Variants in MCPH1 observed in about 807,000 individuals in gnomAD.
The protein encoded by MCPH1 is microcephalin.
A neutral mutation model predicts 84.5 loss-of-function variants in MCPH1; 104 were observed. That is an observed-to-expected ratio of 1.23 (90% CI 1.05 to 1.45). The LOEUF (loss-of-function observed/expected upper bound fraction) is 1.45, where lower values mean the gene tolerates loss of function less well. Ranked by LOEUF, MCPH1 falls within the 40% of genes most tolerant of loss-of-function variation. The probability of loss-of-function intolerance (pLI) is 0.00; values close to 1 mark genes in which losing one functional copy is unlikely to be tolerated. For synonymous variants in MCPH1, 514 were observed against 366.8 expected, an observed-to-expected ratio of 1.40 and a Z score of -4.58; for missense variants, 1,498 against 1,005.7, an observed-to-expected ratio of 1.49 and a Z score of -6.62.
intron 12 of MCPH1, among the ~76,000 whole-genome samples, chr8:6,580,099 G>A (rs150844323): frequency 4.1e-4 from 62 of 152,278 alleles, no homozygotes; most frequent in African/African-American, 8.2e-4. Context: ...ATCCACATGC[G>A]CTGGGACAAT....
At chr8:6,468,688 T>C (rs1443739374) in intron 9 of MCPH1, among the ~76,000 whole-genome samples, 1 of 151,492 alleles carries the variant, frequency 6.6e-6, no homozygotes, top group Non-Finnish European at 1.5e-5. Flanking sequence ...AAAATATTTA[T>C]CCAAGACAGT....
rs59969242 is a variant in MCPH1 at position 6,428,745 on chromosome 8, G to GCACACA, written c.234-2735_234-2730dup. 2.3e-3 allele frequency among the ~76,000 whole-genome samples: 351 copies of GCACACA among 149,544 alleles called. 3 individuals are homozygous for GCACACA. Among genetic ancestry groups the GCACACA allele is most frequent in the Middle Eastern group, 0.017 (5 of 288 alleles). ...TTCCATTGTATGGACACGTGCGCAC[G>GCACACA]CACACACACACACACACACACACAG... On this transcript the variant is annotated intron_variant, in intron 3 of 13. Transcript: ENST00000344683.
At chr8:6,474,966 C>T (rs1254083079) in intron 9 of MCPH1, among the ~76,000 whole-genome samples, 1 of 152,148 alleles carries the variant, frequency 6.6e-6, no homozygotes, top group African/African-American at 2.4e-5. Flanking sequence ...ATTCTTAAAA[C>T]ATTTACGTTT....
At chr8:6,537,789 G>A (rs940751308) in intron 12 of MCPH1, among the ~76,000 whole-genome samples, 1 of 152,022 alleles carries the variant, frequency 6.6e-6, no homozygotes, top group South Asian at 2.1e-4. Context: ...AACTGGCTCA[G>A]TAAAGGAAAA....
intron 3 of MCPH1, 145 bp downstream of exon 3, chr8:6,415,028 C>A: frequency 1.3e-6 from 1 of 777,880 alleles, no homozygotes; most frequent in Non-Finnish European, 2.0e-6. Context: ...TTGAAATCCT[C>A]CAGCCTCAAT....
chr8:6,460,002 C>G (rs1014177883), intron 9 of MCPH1, among the ~76,000 whole-genome samples: 1 of 152,168 alleles, frequency 6.6e-6, no homozygotes, highest in African/African-American at 2.4e-5. Flanking sequence ...TTAGACTGCT[C>G]TCATCTTTGG....
intron 12 of MCPH1, chr8:6,519,761 C>A: frequency 6.9e-7 from 1 of 1,446,434 alleles, no homozygotes; most frequent in Non-Finnish European, 9.5e-7. Context: ...CTGTGTGAGG[C>A]TGGGGAAGAT....
intron 3 of MCPH1, among the ~76,000 whole-genome samples, chr8:6,429,791 C>A (rs1393328472): frequency 1.3e-5 from 2 of 152,072 alleles, no homozygotes; most frequent in South Asian, 4.2e-4. Flanking sequence ...GCGTCTCCTG[C>A]CACAGTTATT....
At chr8:6,600,484 C>T (rs2442564) in intron 12 of MCPH1, among the ~76,000 whole-genome samples, 143,034 of 152,272 alleles carry the variant, frequency 0.94, 67,835 homozygotes, top group East Asian at 1. Flanking sequence ...ATTGGGGCGG[C>T]ACTGGCCACC....
At chr8:6,440,247 TTTG>T (rs767373953) in intron 6 of MCPH1, among the ~76,000 whole-genome samples, 3 of 152,232 alleles carry the variant, frequency 2.0e-5, no homozygotes, top group Non-Finnish European at 4.4e-5. Flanking sequence ...TTCTTGTTTT[TTTG>T]TTAAGCCATT....
chr8:6,642,901 T>C (rs772021751), intron 13 of MCPH1, 93 bp from the exon 14 acceptor site: 20 of 1,197,820 alleles, frequency 1.7e-5, no homozygotes, highest in Non-Finnish European at 2.4e-5. Context: ...CTATTTGTTT[T>C]TAAATATAGT....
intron 9 of MCPH1, among the ~76,000 whole-genome samples, chr8:6,471,601 G>T (rs187607595): frequency 8.3e-4 from 127 of 152,232 alleles, no homozygotes; most frequent in Non-Finnish European, 1.5e-3. Context: ...AACAAAAGCC[G>T]CAGTCCTCCT....
At chr8:6,625,588 A>T in intron 13 of MCPH1, 1 of 985,298 alleles carries the variant, frequency 1.0e-6, no homozygotes, top group Non-Finnish European at 1.2e-6. Context: ...AATTAAATTT[A>T]TTCAAACTGG....
intron 13 of MCPH1, chr8:6,625,994 T>G: frequency 1.6e-5 from 16 of 985,296 alleles, no homozygotes; most frequent in Non-Finnish European, 1.9e-5. Flanking sequence ...AGGTGGGTAC[T>G]GAAACGACAG....
At chr8:6,627,565 T>C (rs1796833633) in intron 13 of MCPH1, among the ~76,000 whole-genome samples, 1 of 152,236 alleles carries the variant, frequency 6.6e-6, no homozygotes, top group African/African-American at 2.4e-5. Flanking sequence ...TGGGATTTGG[T>C]AATGTCGACA....
intron 12 of MCPH1, among the ~76,000 whole-genome samples, chr8:6,607,789 C>T (rs1319879858): frequency 2.6e-5 from 4 of 152,192 alleles, no homozygotes; most frequent in Non-Finnish European, 5.9e-5. Context: ...CCACCTTCTG[C>T]CGTGATTGTG....
Position 6,604,452 on chromosome 8 carries a change from G to C in MCPH1, c.2215-17002G>C, listed in dbSNP as rs377759888. ...CCTCCAAGACTCTTTGCTTGGGTCG[G>C]TCAAAATACAGTGGAATGTGAGAGC... On this transcript the variant is annotated intron_variant, in intron 12 of 13. Coordinates refer to ENST00000344683, the MANE Select transcript of MCPH1 (RefSeq NM_024596.5). Among the ~76,000 whole-genome samples the C allele has an allele frequency of 3.3e-5, 5 of 152,362 alleles. 1 individual carries two copies. The South Asian group carries it at 8.3e-4, about 25-fold the overall frequency.
chr8:6,597,002 G>A (rs1828979956), intron 12 of MCPH1, among the ~76,000 whole-genome samples: 1 of 152,192 alleles, frequency 6.6e-6, no homozygotes, highest in African/African-American at 2.4e-5. Context: ...CCATCCCGTA[G>A]ACCACATTTA....
intron 12 of MCPH1, among the ~76,000 whole-genome samples, chr8:6,513,396 G>A (rs1042418474): frequency 6.8e-6 from 1 of 148,122 alleles, no homozygotes; most frequent in South Asian, 2.1e-4. Context: ...GCCGTGGCAC[G>A]ATCTCGGCTC....
Sources: allele counts gnomAD v4.1 joint callset (sites outside exome capture counted in the v4.1 genomes callset), GRCh38; gene constraint gnomAD v4.1.1; transcripts MANE v1.5; gene names NCBI Gene and HGNC (gene_info 2026-07-23, HGNC 2026-07-21).